The following ZNF69 variants were observed in gnomAD, a reference collection of about 807,000 sequenced individuals.
ZNF69 encodes the protein zinc finger protein 69.
In ZNF69, 47 loss-of-function variants were observed where a neutral mutation model predicts 50.9. The observed-to-expected ratio is 0.92, with a 90% CI of 0.73 to 1.18. The LOEUF is 1.18. ZNF69 is among the 50% of genes most tolerant of loss of function. The pLI is 0.00. For missense variants in ZNF69, 717 were observed against 675.1 expected (o/e 1.06, Z -0.69); for synonymous variants, 216 against 223.1 (o/e 0.97, Z 0.29).
rs955858457 is a variant in ZNF69, at chr19:11,905,053, C to G, written c.656C>G (p.Pro219Arg). 6.2e-7 allele frequency: 1 copy of G among 1,614,022 alleles called. No homozygotes were observed. The highest frequency in any genetic ancestry group is 8.5e-7 in the Non-Finnish European group (1 of 1,180,026). Reference sequence around the variant, plus strand: ...GTGGTAATGCACAGTGGGGATGGACCTTATAAATGTAAATTTTGTGGGAAA... The same window carrying G: ...GTGGTAATGCACAGTGGGGATGGACGTTATAAATGTAAATTTTGTGGGAAA... ...RHVVMHSGDGPYKCKFCGKAF... is the reference protein window; with the variant it reads ...RHVVMHSGDGRYKCKFCGKAF... Residue 219 changes from proline to arginine, a missense_variant, in exon 4 of 4, where the codon CCT becomes CGT. By Grantham distance (103) the Pro-to-Arg change is moderately radical (BLOSUM62 -2). Coordinates refer to ENST00000429654, the MANE Select transcript of ZNF69 (RefSeq NM_001364730.1).
intron 1 of ZNF69, among the ~76,000 whole-genome samples, chr19:11,892,733 G>A (rs532003913): frequency 1.2e-3 from 184 of 152,322 alleles, no homozygotes; most frequent in Middle Eastern, 3.4e-3. Flanking sequence ...GGAAAGGAGA[G>A]TTCCAGCTGG....
At chr19:11,891,704 ATGGGTAT>A (rs1977092408) in intron 1 of ZNF69, among the ~76,000 whole-genome samples, 1 of 152,176 alleles carries the variant, frequency 6.6e-6, no homozygotes, top group Non-Finnish European at 1.5e-5. Flanking sequence ...ACATATTGTT[ATGGGTAT>A]TGGGACATCA....
At chr19:11,948,696 T>A in the ZNF69 span, 1 of 1,612,378 alleles carries the variant, frequency 6.2e-7, no homozygotes, top group Non-Finnish European at 8.5e-7. Flanking sequence ...CTTATAAATG[T>A]AAATTTTGTG....
chr19:11,978,896 C>A, the ZNF69 span: 4 of 1,614,152 alleles, frequency 2.5e-6, no homozygotes, highest in Non-Finnish European at 2.5e-6. Context: ...TCCGTAGTTA[C>A]AGATCCTATC....
chr19:11,899,964 T>C (rs903877104), intron 1 of ZNF69, among the ~76,000 whole-genome samples: 3 of 152,250 alleles, frequency 2.0e-5, no homozygotes, highest in South Asian at 2.1e-4. Context: ...CCTTTTTTTT[T>C]CCCTTTGGAG....
chr19:11,978,476 T>C, the ZNF69 span: 1 of 1,614,108 alleles, frequency 6.2e-7, no homozygotes, highest in Admixed American at 1.7e-5. Flanking sequence ...TTATTTCCCA[T>C]TCAGGCATTC....
At chr19:11,894,393 G>A (rs573466530) in intron 1 of ZNF69, among the ~76,000 whole-genome samples, 1 of 152,246 alleles carries the variant, frequency 6.6e-6, no homozygotes. Flanking sequence ...ACCCGCCTTG[G>A]TCTCCCAAAG....
the ZNF69 span, chr19:11,979,222 C>A: frequency 8.6e-5 from 138 of 1,610,422 alleles, no homozygotes; most frequent in South Asian, 1.5e-3. Context: ...AGCCTTCAAT[C>A]TTTCCAGTTC....
chr19:11,899,208 A>G (rs1407358142), intron 1 of ZNF69, among the ~76,000 whole-genome samples: 3 of 152,212 alleles, frequency 2.0e-5, no homozygotes, highest in Non-Finnish European at 2.9e-5. Flanking sequence ...ATGATGCTGT[A>G]AGTGGCCATT....
At chr19:11,888,878 C>T (rs1164840556) in intron 1 of ZNF69, among the ~76,000 whole-genome samples, 2 of 152,130 alleles carry the variant, frequency 1.3e-5, no homozygotes, top group Non-Finnish European at 2.9e-5. Context: ...GAGGCTGAGA[C>T]AAGAGAATTA....
At chr19:11,908,556 C>A (rs974472882), downstream of ZNF69, among the ~76,000 whole-genome samples, 2 of 152,194 alleles carry the variant, frequency 1.3e-5, no homozygotes, top group African/African-American at 4.8e-5. Flanking sequence ...ACTGAACAAC[C>A]TGCTCCTGAA....
the ZNF69 span, among the ~76,000 whole-genome samples, chr19:11,965,551 G>T: frequency 6.6e-6 from 1 of 152,252 alleles, no homozygotes; most frequent in African/African-American, 2.4e-5. Flanking sequence ...GGGTTCGTGC[G>T]TGGGAGGAGC....
chr19:11,896,701 G>A (rs761185835), intron 1 of ZNF69, among the ~76,000 whole-genome samples: 10 of 152,248 alleles, frequency 6.6e-5, no homozygotes, highest in Non-Finnish European at 1.0e-4. Context: ...GGTTATTAAT[G>A]TGTGATTTTT....
At chr19:11,971,622 A>G in the ZNF69 span, among the ~76,000 whole-genome samples, 15 of 152,230 alleles carry the variant, frequency 9.9e-5, no homozygotes, top group African/African-American at 3.4e-4. Context: ...AGGTTACATC[A>G]TAGTGTTATT....
the ZNF69 span, among the ~76,000 whole-genome samples, chr19:11,945,883 T>C: frequency 2.0e-4 from 30 of 152,232 alleles, no homozygotes; most frequent in African/African-American, 6.3e-4. Flanking sequence ...GATTACTTCA[T>C]GTACCCCTAT....
At chr19:11,971,880 G>A in the ZNF69 span, among the ~76,000 whole-genome samples, 612 of 152,136 alleles carry the variant, frequency 4.0e-3, 2 homozygotes, top group Non-Finnish European at 6.9e-3. Context: ...CCTGACAAAC[G>A]TGGAGGTTTC....
the ZNF69 span, among the ~76,000 whole-genome samples, chr19:11,970,782 T>G: frequency 6.6e-6 from 1 of 152,126 alleles, no homozygotes; most frequent in Non-Finnish European, 1.5e-5. Flanking sequence ...AAATACAGCA[T>G]TAGCTGAGCA....
chr19:11,905,738 G>A lies in ZNF69; in HGVS notation c.1341G>A (p.Gln447=). 6.2e-7 allele frequency: 1 copy of A among 1,613,366 alleles called. No individual in the cohort carries two copies. The highest frequency in any genetic ancestry group is 8.5e-7 in the Non-Finnish European group (1 of 1,179,932). ...CTGGAGAGAAGCCCTATGAATGTCA[G>A]GAATGTGGGAAAGCCTTCAGATCTA... ...THTGEKPYEC[Q]ECGKAFRSMK... The change falls in exon 4 of 4, where the codon CAG becomes CAA. Residue 447 remains glutamine (Q), a synonymous_variant. Coordinates refer to ENST00000429654, the MANE Select transcript of ZNF69 (RefSeq NM_001364730.1).
the ZNF69 span, chr19:11,949,283 G>A: frequency 1.2e-6 from 2 of 1,614,170 alleles, no homozygotes; most frequent in Middle Eastern, 3.3e-4. Flanking sequence ...CCCTATGAGT[G>A]TAAGCAGTGT....
Sources: allele counts gnomAD v4.1 joint callset (sites outside exome capture counted in the v4.1 genomes callset), GRCh38; gene constraint gnomAD v4.1.1; transcripts MANE v1.5; gene names NCBI Gene and HGNC (gene_info 2026-07-23, HGNC 2026-07-21).